MAML3: variants seen among roughly 807,000 people sequenced by gnomAD.
The protein encoded by MAML3 is mastermind-like protein 3.
MAML3 carries 27 observed loss-of-function variants against 101.9 expected under a neutral mutation model. The ratio of observed to expected loss-of-function variants is 0.27; its 90% CI spans 0.20 to 0.37. MAML3 has a LOEUF of 0.37. Among genes scored for constraint, MAML3 ranks in the 10% least tolerant of loss-of-function variants. The probability of loss-of-function intolerance (pLI) is 1.00; values close to 1 mark genes in which losing one functional copy is unlikely to be tolerated. For synonymous variants in MAML3, 501 were observed against 555.9 expected, an observed-to-expected ratio of 0.90 and a Z score of 1.39; for missense variants, 1,316 against 1,444.9, an observed-to-expected ratio of 0.91 and a Z score of 1.45.
intron 1 of MAML3, among the ~76,000 whole-genome samples, chr4:139,975,197 TC>T (rs1734305788): frequency 6.6e-6 from 1 of 152,096 alleles, no homozygotes; most frequent in African/African-American, 2.4e-5. Flanking sequence ...CTATCAACTG[TC>T]GCCTTATGTC....
chr4:139,935,605 C>T (rs1214546183), intron 1 of MAML3, among the ~76,000 whole-genome samples: 2 of 150,332 alleles, frequency 1.3e-5, no homozygotes, highest in Non-Finnish European at 3.0e-5. Flanking sequence ...CACTTATTCT[C>T]AGTGTTTCAA....
chr4:140,058,623 G>T (rs1446431784), intron 1 of MAML3, among the ~76,000 whole-genome samples: 1 of 150,952 alleles, frequency 6.6e-6, no homozygotes, highest in African/African-American at 2.4e-5. Context: ...TTTGTATCTT[G>T]CCTGTCTCAG....
intron 2 of MAML3, among the ~76,000 whole-genome samples, chr4:139,844,379 T>C (rs1213824438): frequency 6.6e-6 from 1 of 152,202 alleles, no homozygotes; most frequent in East Asian, 1.9e-4. Context: ...TGAACTAAGA[T>C]TGAAATCAAT....
chr4:139,793,591 T>C (rs1416805618), intron 2 of MAML3, among the ~76,000 whole-genome samples: 3 of 152,220 alleles, frequency 2.0e-5, no homozygotes, highest in African/African-American at 7.2e-5. Context: ...CCCTAGAGTT[T>C]TCTTTATTCC....
intron 2 of MAML3, among the ~76,000 whole-genome samples, chr4:139,865,485 GT>G (rs67288115): frequency 0.48 from 43,255 of 90,022 alleles, 7,537 homozygotes; most frequent in East Asian, 0.72. Context: ...TCTGTAAAAG[GT>G]TTTTTTTTTG....
At chr4:139,887,927 A>G (rs192665547) in intron 2 of MAML3, among the ~76,000 whole-genome samples, 3 of 152,344 alleles carry the variant, frequency 2.0e-5, no homozygotes, top group Admixed American at 1.3e-4. Context: ...AATGAAACTA[A>G]GATAATATAT....
intron 2 of MAML3, among the ~76,000 whole-genome samples, chr4:139,832,480 T>C (rs1731185714): frequency 6.6e-6 from 1 of 152,020 alleles, no homozygotes; most frequent in African/African-American, 2.4e-5. Flanking sequence ...GTTGGGTGTA[T>C]TTACCATCCG....
intron 1 of MAML3, among the ~76,000 whole-genome samples, chr4:139,970,138 T>C (rs1166952821): frequency 6.6e-6 from 1 of 152,190 alleles, no homozygotes; most frequent in African/African-American, 2.4e-5. Context: ...CAAAGCAAAG[T>C]ACAACTATTG....
At chr4:139,924,236 C>T (rs979845236) in intron 1 of MAML3, among the ~76,000 whole-genome samples, 3 of 152,182 alleles carry the variant, frequency 2.0e-5, no homozygotes, top group African/African-American at 7.2e-5. Context: ...GAAGGAAATT[C>T]TATTCCAGTG....
intron 1 of MAML3, among the ~76,000 whole-genome samples, chr4:140,113,095 C>A (rs534140437): frequency 4.0e-5 from 6 of 151,878 alleles, no homozygotes; most frequent in African/African-American, 1.5e-4. Context: ...TGGTTAACAT[C>A]GTGAAACCCC....
At chr4:139,962,237 G>A (rs1734032160) in intron 1 of MAML3, among the ~76,000 whole-genome samples, 1 of 152,068 alleles carries the variant, frequency 6.6e-6, no homozygotes, top group Admixed American at 6.5e-5. Flanking sequence ...CATCATATCA[G>A]TGGGCCTTTC....
chr4:139,995,490 T>C (rs185594495), intron 1 of MAML3, among the ~76,000 whole-genome samples: 1 of 152,170 alleles, frequency 6.6e-6, no homozygotes, highest in Non-Finnish European at 1.5e-5. Context: ...TGTGGGAAGA[T>C]TTTTGAATAC....
intron 1 of MAML3, among the ~76,000 whole-genome samples, chr4:140,008,315 C>A (rs774711592): frequency 6.6e-6 from 1 of 152,044 alleles, no homozygotes; most frequent in Non-Finnish European, 1.5e-5. Context: ...CCACTGCACT[C>A]CAGCCTGGGC....
intron 2 of MAML3, among the ~76,000 whole-genome samples, chr4:139,825,993 C>T (rs1043284325): frequency 9.2e-5 from 14 of 152,086 alleles, no homozygotes; most frequent in Admixed American, 6.5e-4. Flanking sequence ...GGAGCAGTTT[C>T]GTGTTTCTTG....
chr4:140,119,833 ATCTC>A (rs1370750873), intron 1 of MAML3, among the ~76,000 whole-genome samples: 1 of 152,104 alleles, frequency 6.6e-6, no homozygotes, highest in African/African-American at 2.4e-5. Flanking sequence ...ACATCTCTCA[ATCTC>A]TCTATTTAGT....
intron 2 of MAML3, among the ~76,000 whole-genome samples, chr4:139,819,374 A>G (rs1730939761): frequency 6.6e-6 from 1 of 152,188 alleles, no homozygotes; most frequent in African/African-American, 2.4e-5. Flanking sequence ...TTGGAATCAG[A>G]TTATATATAA....
rs114339646 is a variant in MAML3 at position 139,931,661 on chromosome 4, G to A, written c.469-40694C>T. On this transcript the variant is annotated intron_variant, in intron 1 of 4. Transcript: ENST00000509479. ...GCCCCAGGCTCAACAATCCTCCTGT[G>A]CAGTCTCCTTCCGTAATCTCCCCTT... 2.6e-3 allele frequency among the ~76,000 whole-genome samples: 397 copies of A among 151,962 alleles called. 1 individual carries two copies. The highest frequency in any genetic ancestry group is 9.0e-3 in the African/African-American group (373 of 41,448).
In MAML3 at chr4:139,719,092, G is replaced by T. The variant is rs1411865791; in HGVS notation, c.*231C>A. On this transcript the variant is annotated 3_prime_UTR_variant, in exon 5 of 5. Transcript: ENST00000509479. ...GCTCCTCCGGGTGTCTCCCTCTCTC[G>T]CAGCCGGGATCTGCATGGCGTCTCA... is the stretch of plus-strand genomic sequence containing the variant. The T allele has an allele frequency of 4.0e-6, 2 of 502,442 alleles. No homozygotes were observed. The highest frequency in any genetic ancestry group is 6.9e-6 in the Non-Finnish European group (2 of 290,974). The allele number at this position is 502,442 out of a possible 1,614,324, so 31.1% of individuals were successfully genotyped here. A position where few individuals can be genotyped will look rare whatever the true frequency, so the allele number is the denominator to read the frequency against.
chr4:139,906,693 A>C (rs1319356303), intron 1 of MAML3, among the ~76,000 whole-genome samples: 1 of 152,216 alleles, frequency 6.6e-6, no homozygotes. Context: ...AGTAAAAAGT[A>C]TGTATTTCAA....
Sources: allele counts gnomAD v4.1 joint callset (sites outside exome capture counted in the v4.1 genomes callset), GRCh38; gene constraint gnomAD v4.1.1; transcripts MANE v1.5; gene names NCBI Gene and HGNC (gene_info 2026-07-23, HGNC 2026-07-21).